ENTREP1: variants seen among roughly 807,000 people sequenced by gnomAD.
The protein encoded by ENTREP1 is Friedreich ataxia region gene X123.
chr9:69,345,211 G>C, the ENTREP1 span, among the ~76,000 whole-genome samples: 3 of 152,086 alleles, frequency 2.0e-5, no homozygotes, highest in Non-Finnish European at 4.4e-5. Context: ...TGGTAGAATT[G>C]GGTATAATGA....
chr9:69,336,129 T>A, the ENTREP1 span: 833 of 690,464 alleles, frequency 1.2e-3, 6 homozygotes, highest in African/African-American at 0.01. Context: ...TTTCAGTATC[T>A]TTAAAAATAT....
chr9:69,373,456 A>C, the ENTREP1 span, among the ~76,000 whole-genome samples: 1 of 152,172 alleles, frequency 6.6e-6, no homozygotes, highest in Admixed American at 6.5e-5. Flanking sequence ...ATATGTATGG[A>C]GTGGGGTCGT....
the ENTREP1 span, chr9:69,371,419 T>C: frequency 4.1e-6 from 4 of 977,864 alleles, no homozygotes; most frequent in African/African-American, 3.2e-5. Flanking sequence ...GAAGGGAATA[T>C]GAGTTTTTAA....
chr9:69,333,712 A>T, the ENTREP1 span, among the ~76,000 whole-genome samples: 1 of 152,180 alleles, frequency 6.6e-6, no homozygotes, highest in Non-Finnish European at 1.5e-5. Flanking sequence ...AATAATTCAA[A>T]TCATATTTTT....
the ENTREP1 span, among the ~76,000 whole-genome samples, chr9:69,376,950 A>G: frequency 6.6e-6 from 1 of 152,186 alleles, no homozygotes; most frequent in African/African-American, 2.4e-5. Flanking sequence ...AGTGGCCACA[A>G]ATTAAGCAGT....
At chr9:69,332,010 C>T in the ENTREP1 span, among the ~76,000 whole-genome samples, 1 of 152,186 alleles carries the variant, frequency 6.6e-6, no homozygotes, top group Non-Finnish European at 1.5e-5. Context: ...AACCCCTTTC[C>T]CCGTCTGTGA....
the ENTREP1 span, among the ~76,000 whole-genome samples, chr9:69,390,890 C>G: frequency 1.3e-5 from 2 of 152,106 alleles, no homozygotes; most frequent in Admixed American, 1.3e-4. Context: ...ATCCTTCTGC[C>G]TCAGCCTCCC....
At chr9:69,326,583 C>A in the ENTREP1 span, among the ~76,000 whole-genome samples, 5 of 152,150 alleles carry the variant, frequency 3.3e-5, no homozygotes, top group African/African-American at 9.7e-5. Flanking sequence ...CCACTCCCCC[C>A]TGCCTCCTAA....
At chr9:69,360,196 T>C in the ENTREP1 span, among the ~76,000 whole-genome samples, 1 of 152,220 alleles carries the variant, frequency 6.6e-6, no homozygotes, top group East Asian at 1.9e-4. Context: ...AGGTTATATG[T>C]GCACATGGTT....
chr9:69,374,658 C>T, the ENTREP1 span, among the ~76,000 whole-genome samples: 7 of 152,030 alleles, frequency 4.6e-5, no homozygotes, highest in Non-Finnish European at 8.8e-5. Flanking sequence ...AAAAAGCTCT[C>T]CAGAAAATTC....
chr9:69,377,500 T>C, the ENTREP1 span: 2 of 1,609,218 alleles, frequency 1.2e-6, no homozygotes, highest in South Asian at 1.1e-5. Context: ...AAGGGCATCA[T>C]GGCCACGTTT....
At chr9:69,362,976 A>C in the ENTREP1 span, among the ~76,000 whole-genome samples, 6 of 151,564 alleles carry the variant, frequency 4.0e-5, no homozygotes, top group Non-Finnish European at 8.8e-5. Flanking sequence ...TACTTAATAA[A>C]CCCCCTTTAT....
At chr9:69,361,561 T>C in the ENTREP1 span, among the ~76,000 whole-genome samples, 1 of 152,220 alleles carries the variant, frequency 6.6e-6, no homozygotes, top group Admixed American at 6.5e-5. Context: ...TTCTTTCCAG[T>C]TTTGGGCCAT....
chr9:69,326,642 T>G, the ENTREP1 span, among the ~76,000 whole-genome samples: 1 of 152,164 alleles, frequency 6.6e-6, no homozygotes, highest in Non-Finnish European at 1.5e-5. Flanking sequence ...TTTCTGGGTG[T>G]TGAGAGACTT....
chr9:69,375,017 C>T, the ENTREP1 span, among the ~76,000 whole-genome samples: 13 of 152,222 alleles, frequency 8.5e-5, no homozygotes, highest in Middle Eastern at 3.4e-3. Flanking sequence ...AATTGGTATT[C>T]GTGATCATTT....
the ENTREP1 span, chr9:69,388,427 A>G: frequency 6.2e-7 from 1 of 1,602,082 alleles, no homozygotes; most frequent in Non-Finnish European, 8.5e-7. Context: ...GGAAGCCATC[A>G]CAAGTGCCAG....
At chr9:69,383,639 T>C in the ENTREP1 span, 1 of 1,614,014 alleles carries the variant, frequency 6.2e-7, no homozygotes, top group East Asian at 2.2e-5. Flanking sequence ...GGATGGTTGG[T>C]CCTGATGTTA....
chr9:69,367,386 G>T, the ENTREP1 span, among the ~76,000 whole-genome samples: 2 of 150,986 alleles, frequency 1.3e-5, no homozygotes, highest in African/African-American at 4.9e-5. Context: ...TTCTATTTCT[G>T]TGAAAAATGT....
chr9:69,350,173 C>T, the ENTREP1 span, among the ~76,000 whole-genome samples: 1 of 152,220 alleles, frequency 6.6e-6, no homozygotes, highest in Non-Finnish European at 1.5e-5. Flanking sequence ...TGAACGCTTA[C>T]TCCTATAATT....
Sources: allele counts gnomAD v4.1 joint callset (sites outside exome capture counted in the v4.1 genomes callset), GRCh38; gene constraint gnomAD v4.1.1; transcripts MANE v1.5; gene names NCBI Gene and HGNC (gene_info 2026-07-23, HGNC 2026-07-21).